The following ZNF521 variants were observed in gnomAD, a reference collection of about 807,000 sequenced individuals.
The protein encoded by ZNF521 is zinc finger protein 521.
A neutral mutation model predicts 105.5 loss-of-function variants in ZNF521; 14 were observed. The ratio of observed to expected loss-of-function variants is 0.13; its 90% confidence interval spans 0.09 to 0.21. ZNF521 has a LOEUF of 0.21. Among genes scored for constraint, ZNF521 ranks in the 10% least tolerant of loss-of-function variants. The pLI is 1.00. For synonymous variants in ZNF521, 635 were observed against 606.0 expected (o/e 1.05, Z -0.70); for missense variants, 1,233 against 1,629.7 (o/e 0.76, Z 4.19).
At chr18:25,065,969 A>G (rs2033048749) in intron 7 of ZNF521, among the ~76,000 whole-genome samples, 1 of 152,236 alleles carries the variant, frequency 6.6e-6, no homozygotes. Context: ...TATAAGAGAG[A>G]GGAATATAAA....
chr18:25,329,982 C>T (rs1913468067), intron 2 of ZNF521, among the ~76,000 whole-genome samples: 1 of 152,152 alleles, frequency 6.6e-6, no homozygotes, highest in African/African-American at 2.4e-5. Context: ...AAGTGGAGAG[C>T]TGTCTCAGTG....
intron 5 of ZNF521, among the ~76,000 whole-genome samples, chr18:25,167,972 A>C (rs1412956754): frequency 1.3e-5 from 2 of 152,250 alleles, no homozygotes; most frequent in Non-Finnish European, 2.9e-5. Context: ...AAAAGAGGGT[A>C]TGCACAAGGT....
At chr18:25,223,747 GGGA>G (rs1905895155) in intron 4 of ZNF521, among the ~76,000 whole-genome samples, 1 of 151,610 alleles carries the variant, frequency 6.6e-6, no homozygotes, top group South Asian at 2.1e-4. Context: ...CTCAAACTCA[GGGA>G]TAGTGTCTTT....
chr18:25,329,314 C>T (rs1056999838), intron 2 of ZNF521, among the ~76,000 whole-genome samples: 3 of 152,098 alleles, frequency 2.0e-5, no homozygotes, highest in African/African-American at 7.2e-5. Flanking sequence ...TATCACTTTT[C>T]TGCATATGTT....
intron 5 of ZNF521, among the ~76,000 whole-genome samples, chr18:25,099,627 C>G (rs1023714445): frequency 6.6e-6 from 1 of 152,250 alleles, no homozygotes; most frequent in Non-Finnish European, 1.5e-5. Flanking sequence ...CATCCATGAC[C>G]AATAAACAAT....
At chr18:25,124,737 A>G (rs2034507163) in intron 5 of ZNF521, among the ~76,000 whole-genome samples, 1 of 152,218 alleles carries the variant, frequency 6.6e-6, no homozygotes, top group Admixed American at 6.5e-5. Flanking sequence ...TTTAAGTTAC[A>G]TCAAATAAGC....
intron 3 of ZNF521, among the ~76,000 whole-genome samples, chr18:25,250,589 G>A (rs1410892006): frequency 1.3e-5 from 2 of 152,102 alleles, no homozygotes; most frequent in African/African-American, 4.8e-5. Flanking sequence ...TGTCTGTATG[G>A]GTGCCAGATT....
chr18:25,171,669 A>T (rs1180504195), intron 5 of ZNF521, among the ~76,000 whole-genome samples: 1 of 152,138 alleles, frequency 6.6e-6, no homozygotes. Context: ...ATATAATCTT[A>T]ACAGATGCAA....
At chr18:25,124,619 C>T (rs758854629) in intron 5 of ZNF521, among the ~76,000 whole-genome samples, 5 of 152,180 alleles carry the variant, frequency 3.3e-5, no homozygotes, top group South Asian at 2.1e-4. Flanking sequence ...CCATTTTTGT[C>T]GTATTGCTGT....
chr18:25,284,910 G>GCGCACACA lies in ZNF521; in HGVS notation c.220+37097_220+37098insTGTGTGCG, dbSNP rs1555658165. ...CAAACACTCATGTGCGTGCGCGCGCGCACACACACACACACACACACACAG... is the reference window on the plus strand; with the variant it reads ...CAAACACTCATGTGCGTGCGCGCGCGCGCACACACACACACACACACACACACACACAG... On this transcript the variant is annotated intron_variant, in intron 3 of 7. Coordinates refer to ENST00000361524, the MANE Select transcript of ZNF521 (RefSeq NM_015461.3). Among the ~76,000 whole-genome samples, 372 of 148,688 alleles carry GCGCACACA rather than the reference G, an allele frequency of 2.5e-3. 2 individuals carry two copies. The highest frequency in any genetic ancestry group is 8.3e-3 in the African/African-American group (337 of 40,838).
At chr18:25,074,654 T>C (rs2033316322) in intron 7 of ZNF521, among the ~76,000 whole-genome samples, 1 of 152,184 alleles carries the variant, frequency 6.6e-6, no homozygotes, top group Non-Finnish European at 1.5e-5. Flanking sequence ...CGATTTCCCA[T>C]TGTCTTATAC....
At chr18:25,118,588 TAATTATATATATTAAAATCCCTACAACA>T (rs1407213927) in intron 5 of ZNF521, among the ~76,000 whole-genome samples, 2 of 152,000 alleles carry the variant, frequency 1.3e-5, no homozygotes, top group African/African-American at 4.8e-5. Context: ...CTGTGAAAGT[TAATTATATATATTAAAATCCCTACAACA>T]ACCACTAAAA....
chr18:25,332,752 C>T (rs1197396324), intron 2 of ZNF521, among the ~76,000 whole-genome samples: 3 of 152,024 alleles, frequency 2.0e-5, no homozygotes, highest in Non-Finnish European at 4.4e-5. Context: ...CTCCAAAAGC[C>T]AGGTTTTAAA....
At chr18:25,072,362 C>T (rs112550202) in intron 7 of ZNF521, among the ~76,000 whole-genome samples, 19 of 152,266 alleles carry the variant, frequency 1.2e-4, no homozygotes, top group African/African-American at 3.6e-4. Flanking sequence ...TGACGTCATA[C>T]GTGGGAAATG....
At chr18:25,186,197 T>C (rs2035719811) in intron 5 of ZNF521, among the ~76,000 whole-genome samples, 2 of 152,216 alleles carry the variant, frequency 1.3e-5, no homozygotes, top group Non-Finnish European at 2.9e-5. Context: ...AGTATGTCAT[T>C]GGTTAATTCT....
chr18:25,068,076 T>C (rs966097444), intron 7 of ZNF521, among the ~76,000 whole-genome samples: 1 of 152,238 alleles, frequency 6.6e-6, no homozygotes, highest in South Asian at 2.1e-4. Context: ...CCACCACTAA[T>C]TCACTATGCC....
At chr18:25,244,377 A>G (rs934757195) in intron 3 of ZNF521, among the ~76,000 whole-genome samples, 1 of 152,084 alleles carries the variant, frequency 6.6e-6, no homozygotes, top group Admixed American at 6.5e-5. Context: ...CTGTACTTAT[A>G]GCTACTTCCC....
At chr18:25,282,445 C>CA (rs1194244109) in intron 3 of ZNF521, among the ~76,000 whole-genome samples, 1 of 152,126 alleles carries the variant, frequency 6.6e-6, no homozygotes, top group Non-Finnish European at 1.5e-5. Context: ...GGGGAGGCAG[C>CA]ACCCGGTGTC....
intron 3 of ZNF521, among the ~76,000 whole-genome samples, chr18:25,255,449 A>G (rs547308989): frequency 2.0e-5 from 3 of 152,166 alleles, no homozygotes; most frequent in Non-Finnish European, 4.4e-5. Flanking sequence ...ATAAGAATGC[A>G]TAAAGTGCTC....
Sources: allele counts gnomAD v4.1 joint callset (sites outside exome capture counted in the v4.1 genomes callset), GRCh38; gene constraint gnomAD v4.1.1; transcripts MANE v1.5; gene names NCBI Gene and HGNC (gene_info 2026-07-23, HGNC 2026-07-21).